TIMP3: variants seen among roughly 807,000 people sequenced by gnomAD.
The protein encoded by TIMP3 is metalloproteinase inhibitor 3.
A neutral mutation model predicts 30.0 loss-of-function variants in TIMP3; 11 were observed. That is an observed-to-expected ratio of 0.37 (90% confidence interval 0.23 to 0.61). The LOEUF (loss-of-function observed/expected upper bound fraction) is 0.61, where lower values mean the gene tolerates loss of function less well. Among genes scored for constraint, TIMP3 ranks in the 20% least tolerant of loss-of-function variants. TIMP3 has a pLI of 0.70. For synonymous variants in TIMP3, 112 were observed against 111.3 expected (o/e 1.01, Z -0.04); for missense variants, 181 against 276.8 (o/e 0.65, Z 2.45).
At chr22:32,846,769 A>G (rs925860995) in intron 1 of TIMP3, among the ~76,000 whole-genome samples, 4 of 152,270 alleles carry the variant, frequency 2.6e-5, no homozygotes, top group African/African-American at 4.8e-5. Context: ...CACTGGGCTA[A>G]GAAAGCCAGA....
rs538936527 is a variant in TIMP3 at position 32,825,607 on chromosome 22, G to A, written c.121+23485G>A. The stretch of plus-strand genomic sequence containing the variant: ...CGCAAGGCAGAGGTTGCAGTGAGCC[G>A]AGATCATGCCACTGCACTCCAGCCT... On this transcript the variant is annotated intron_variant, in intron 1 of 4. Transcript: ENST00000266085. 2.6e-3 allele frequency among the ~76,000 whole-genome samples: 331 copies of A among 126,564 alleles called. 1 individual carries two copies. The highest frequency in any genetic ancestry group is 5.5e-3 in the Middle Eastern group (1 of 182). The allele number at this position is 126,564 out of a possible 152,430, so 83.0% of individuals were successfully genotyped here. A position where few individuals can be genotyped will look rare whatever the true frequency, so the allele number is the denominator to read the frequency against.
intron 1 of TIMP3, among the ~76,000 whole-genome samples, chr22:32,823,507 A>G (rs1296811660): frequency 1.3e-5 from 2 of 152,196 alleles, no homozygotes; most frequent in African/African-American, 4.8e-5. Context: ...GCCAGGGTCC[A>G]GTGGATTAGC....
At chr22:32,822,681 C>T (rs990772736) in intron 1 of TIMP3, among the ~76,000 whole-genome samples, 3 of 152,192 alleles carry the variant, frequency 2.0e-5, no homozygotes, top group Admixed American at 2.0e-4. Flanking sequence ...TGCACTTCCT[C>T]TTCTGCTAAC....
chr22:32,846,214 A>C (rs2048058074), intron 1 of TIMP3, among the ~76,000 whole-genome samples: 1 of 152,212 alleles, frequency 6.6e-6, no homozygotes, highest in African/African-American at 2.4e-5. Context: ...ATGGGTGATA[A>C]GGTGGGATGG....
Position 32,801,709 on chromosome 22 carries a change from C to A in TIMP3, c.-293C>A. ...CGGCCGCCCAGGCAGCGGCGCAGAG[C>A]GGGCAGCAGGCAGGCGGCGGGCGCT... On this transcript the variant is annotated 5_prime_UTR_variant, in exon 1 of 5. Transcript: ENST00000266085. This position sits in a 1 kb window ranked among gnomAD's most constrained non-coding sequence, Gnocchi z 4.7. The A allele has an allele frequency of 5.2e-6, 1 of 192,412 alleles. No individual in the cohort carries two copies. The highest frequency in any genetic ancestry group is 1.0e-5 in the Non-Finnish European group (1 of 96,406). 11.9% of individuals were successfully genotyped at this position (192,412 alleles called of 1,614,324 possible).
At chr22:32,843,963 C>T (rs1467221060) in intron 1 of TIMP3, among the ~76,000 whole-genome samples, 1 of 152,050 alleles carries the variant, frequency 6.6e-6, no homozygotes, top group Non-Finnish European at 1.5e-5. Context: ...TGGTATCTCA[C>T]CTGCTAGATA....
intron 1 of TIMP3, among the ~76,000 whole-genome samples, chr22:32,820,931 G>A (rs1200877308): frequency 6.6e-6 from 1 of 152,158 alleles, no homozygotes; most frequent in Non-Finnish European, 1.5e-5. Flanking sequence ...GATGATAAAG[G>A]GTAGGGAGAG....
At chr22:32,816,012 C>A (rs2047080133) in intron 1 of TIMP3, among the ~76,000 whole-genome samples, 1 of 152,144 alleles carries the variant, frequency 6.6e-6, no homozygotes, top group Non-Finnish European at 1.5e-5. Context: ...AGGTTTTTGA[C>A]CCCAGCACTG....
chr22:32,857,961 C>G, intron 3 of TIMP3, 56 bp from the exon 4 acceptor site: 5 of 1,613,636 alleles, frequency 3.1e-6, no homozygotes, highest in Admixed American at 1.7e-5. Flanking sequence ...TGAATTCTCT[C>G]TGGGCTAGGC....
At chr22:32,845,355 G>C (rs539316872) in intron 1 of TIMP3, among the ~76,000 whole-genome samples, 1 of 152,000 alleles carries the variant, frequency 6.6e-6, no homozygotes, top group Non-Finnish European at 1.5e-5. Flanking sequence ...CCCATGCCCA[G>C]CTAATTTTTG....
chr22:32,855,268 T>C (rs1385849998), intron 2 of TIMP3, among the ~76,000 whole-genome samples: 4 of 152,220 alleles, frequency 2.6e-5, no homozygotes, highest in Admixed American at 2.6e-4. Context: ...ACTCATGGAC[T>C]TGACCTGGAA....
At chr22:32,803,880 C>T (rs542529409) in intron 1 of TIMP3, among the ~76,000 whole-genome samples, 1 of 152,270 alleles carries the variant, frequency 6.6e-6, no homozygotes, top group East Asian at 1.9e-4. Flanking sequence ...CCCCATTCTT[C>T]CCCCTTGCCC....
chr22:32,859,305 G>A lies in TIMP3; in HGVS notation c.564G>A (p.Lys188=), dbSNP rs2048469122. The part of the protein sequence containing the change: ...QSKHYACIRQ[K]GGYCSWYRGW... ...AACACTACGCCTGCATCCGGCAGAA[G>A]GGCGGCTACTGCAGCTGGTACCGAG... The change falls in exon 5 of 5, where the codon AAG becomes AAA. Residue 188 remains lysine (K), a synonymous_variant. Transcript: ENST00000266085. The A allele has an allele frequency of 1.2e-6, 2 of 1,614,134 alleles. No homozygotes were observed. The highest frequency in any genetic ancestry group is 1.7e-5 in the Admixed American group (1 of 60,022).
chr22:32,807,361 TA>T (rs5845034), intron 1 of TIMP3, among the ~76,000 whole-genome samples: 1 of 110,946 alleles, frequency 9.0e-6, no homozygotes, highest in Non-Finnish European at 1.7e-5. Flanking sequence ...ATATAATATA[TA>T]ATATATATTA....
At chr22:32,836,305 G>T (rs1392075646) in intron 1 of TIMP3, among the ~76,000 whole-genome samples, 5 of 152,166 alleles carry the variant, frequency 3.3e-5, no homozygotes, top group Admixed American at 3.3e-4. Flanking sequence ...AAGAGGTTTA[G>T]GCACCATGAT....
chr22:32,819,107 TTTCAGATTGCTCAGGGG>T (rs1389798977), intron 1 of TIMP3, among the ~76,000 whole-genome samples: 2 of 152,128 alleles, frequency 1.3e-5, no homozygotes, highest in African/African-American at 4.8e-5. Context: ...GGTCACAGGG[TTTCAGATTGCTCAGGGG>T]AATTTTGTTT....
chr22:32,836,793 G>A (rs935554626), intron 1 of TIMP3, among the ~76,000 whole-genome samples: 12 of 152,154 alleles, frequency 7.9e-5, no homozygotes. Context: ...TAAAGGTGAG[G>A]AAAGCCTACA....
chr22:32,840,537 A>AG (rs371278527), intron 1 of TIMP3, among the ~76,000 whole-genome samples: 3 of 145,908 alleles, frequency 2.1e-5, no homozygotes, highest in South Asian at 4.9e-4. Flanking sequence ...TTGCAGTGGG[A>AG]GGGGGGTCAT....
At chr22:32,838,930 T>C (rs989131867) in intron 1 of TIMP3, among the ~76,000 whole-genome samples, 1 of 151,468 alleles carries the variant, frequency 6.6e-6, no homozygotes, top group East Asian at 2.0e-4. Context: ...AAGGAACCAA[T>C]CATTAAAGAA....
Sources: gnomAD v4.1 joint callset for allele counts (sites outside exome capture counted in the v4.1 genomes callset) on GRCh38, gnomAD v4.1.1 for gene constraint, Gnocchi (gnomAD v3.1) non-coding constraint, MANE v1.5 for transcripts, NCBI Gene and HGNC (gene_info 2026-07-23, HGNC 2026-07-21) for gene names.